The following MEGF10 variants were observed in gnomAD, a reference collection of about 807,000 sequenced individuals.
MEGF10 encodes multiple EGF like domains 10, also known as multiple epidermal growth factor-like domains protein 10.
Under a neutral mutation model 147.5 loss-of-function variants are expected in MEGF10, and 86 were observed. The ratio of observed to expected loss-of-function variants is 0.58; its 90% CI spans 0.49 to 0.70. The LOEUF is 0.70. MEGF10 is among the 30% of genes least tolerant of loss of function. MEGF10 has a pLI of 0.00. For synonymous variants in MEGF10, 478 were observed against 525.5 expected, an observed-to-expected ratio of 0.91 and a Z score of 1.24; for missense variants, 1,329 against 1,487.3, an observed-to-expected ratio of 0.89 and a Z score of 1.75.
chr5:127,453,347 G>A (rs1580890686), intron 22 of MEGF10, among the ~76,000 whole-genome samples: 1 of 152,232 alleles, frequency 6.6e-6, no homozygotes, highest in Non-Finnish European at 1.5e-5. Context: ...ATGAGCCACC[G>A]CACCCGGCCT....
chr5:127,273,466 G>A, the MEGF10 span, among the ~76,000 whole-genome samples: 80 of 152,344 alleles, frequency 5.3e-4, 1 homozygote, highest in African/African-American at 1.9e-3. Flanking sequence ...TGCTCTGTGA[G>A]TGCCATGCAC....
chr5:127,310,400 A>T (rs570471575), intron 1 of MEGF10, among the ~76,000 whole-genome samples: 17 of 152,060 alleles, frequency 1.1e-4, no homozygotes, highest in African/African-American at 3.9e-4. Context: ...TGTTGCAAAA[A>T]TTTTTAAATT....
At chr5:127,353,466 T>C (rs1482904845) in intron 4 of MEGF10, among the ~76,000 whole-genome samples, 3 of 152,216 alleles carry the variant, frequency 2.0e-5, no homozygotes, top group Admixed American at 1.3e-4. Flanking sequence ...AGCTACCCTC[T>C]GTGGGAAGGA....
intron 22 of MEGF10, among the ~76,000 whole-genome samples, chr5:127,452,077 C>T (rs1309621660): frequency 6.6e-6 from 1 of 152,188 alleles, no homozygotes; most frequent in African/African-American, 2.4e-5. Flanking sequence ...GAAAGCCCTG[C>T]TCCAGGGATG....
intron 1 of MEGF10, among the ~76,000 whole-genome samples, chr5:127,330,276 G>C (rs1321433778): frequency 1.3e-5 from 2 of 152,146 alleles, no homozygotes; most frequent in South Asian, 2.1e-4. Context: ...CTTGCAGCTA[G>C]AGTCATTCTT....
chr5:127,404,305 T>C (rs1764244080), intron 8 of MEGF10, among the ~76,000 whole-genome samples: 1 of 152,040 alleles, frequency 6.6e-6, no homozygotes, highest in Non-Finnish European at 1.5e-5. Context: ...CTATTTTTGA[T>C]TGGAATATTA....
rs2126967893 is a variant in MEGF10, at chr5:127,417,773, C to T, written c.1266C>T (p.Asp422=). 6.2e-7 allele frequency: 1 copy of T among 1,614,062 alleles called. No homozygotes were observed. Among genetic ancestry groups the T allele is most frequent in the Non-Finnish European group, 8.5e-7 (1 of 1,180,012 alleles). The part of the protein sequence containing the change: ...ICSCQNGADC[D]SVTGKCTCAP... ...GCTGCCAAAATGGGGCAGACTGTGACAGTGTGACTGGAAAGTGCACCTGTG... is the reference window on the plus strand; with the variant it reads ...GCTGCCAAAATGGGGCAGACTGTGATAGTGTGACTGGAAAGTGCACCTGTG... The change falls in exon 10 of 25, where the codon GAC becomes GAT. Residue 422 remains aspartate, a synonymous_variant. Coordinates refer to ENST00000503335, the MANE Select transcript of MEGF10 (RefSeq NM_001256545.2).
At chr5:127,310,575 G>A (rs908679368) in intron 1 of MEGF10, among the ~76,000 whole-genome samples, 9 of 151,938 alleles carry the variant, frequency 5.9e-5, no homozygotes, top group African/African-American at 1.9e-4. Flanking sequence ...AAGGGATTTT[G>A]CTCTGAGATG....
intron 1 of MEGF10, among the ~76,000 whole-genome samples, 153 bp downstream of exon 1, chr5:127,291,209 G>A (rs772143228): frequency 6.6e-6 from 1 of 152,156 alleles, no homozygotes; most frequent in South Asian, 2.1e-4. Context: ...TTGTTCATGC[G>A]CTTCTTAAGG....
chr5:127,363,137 G>C (rs1036690301), intron 4 of MEGF10, among the ~76,000 whole-genome samples: 1 of 152,132 alleles, frequency 6.6e-6, no homozygotes, highest in East Asian at 1.9e-4. Flanking sequence ...CAGAAGTTCT[G>C]AGTTCTTGTA....
chr5:127,270,364 C>T, the MEGF10 span, among the ~76,000 whole-genome samples: 1 of 152,012 alleles, frequency 6.6e-6, no homozygotes, highest in African/African-American at 2.4e-5. Context: ...CACACATAGG[C>T]TCAAAATAAA....
At position 127,426,200 on chromosome 5, in the gene MEGF10, A is replaced by C. The variant is rs149085983; in HGVS notation, c.1693+3428A>C. On this transcript the variant is annotated intron_variant, in intron 13 of 24. Transcript: ENST00000503335. ...GCTGTCTTACTGTGTACCCACATCCACCATTTCTTATAACTTCAACCCACT... is the reference window on the plus strand; with the variant it reads ...GCTGTCTTACTGTGTACCCACATCCCCCATTTCTTATAACTTCAACCCACT... 2.9e-3 allele frequency among the ~76,000 whole-genome samples: 436 copies of C among 152,256 alleles called. 4 individuals are homozygous for C. The highest frequency in any genetic ancestry group is 1.0e-2 in the African/African-American group (415 of 41,542).
At chr5:127,439,228 T>C (rs1040780503) in intron 17 of MEGF10, among the ~76,000 whole-genome samples, 4 of 152,206 alleles carry the variant, frequency 2.6e-5, no homozygotes, top group Admixed American at 6.5e-5. Context: ...GGATATAGTG[T>C]GCAAAGTACT....
At chr5:127,292,543 T>C (rs1214860578) in intron 1 of MEGF10, among the ~76,000 whole-genome samples, 1 of 152,234 alleles carries the variant, frequency 6.6e-6, no homozygotes, top group Non-Finnish European at 1.5e-5. Flanking sequence ...ATCTGTAAGC[T>C]TCACTACCAC....
In MEGF10 at chr5:127,358,460, C is replaced by G. The variant is rs138592679; in HGVS notation, c.320-11450C>G. Among the ~76,000 whole-genome samples, 364 of 152,228 alleles carry G rather than the reference C, an allele frequency of 2.4e-3. 1 individual carries two copies. The highest frequency in any genetic ancestry group is 8.2e-3 in the African/African-American group (340 of 41,526). On this transcript the variant is annotated intron_variant, in intron 4 of 24. Coordinates refer to ENST00000503335, the MANE Select transcript of MEGF10 (RefSeq NM_001256545.2). ...GAAATAGGGCAGACCAGGGGAAATG[C>G]CATGTGGTGGAAAACATGCTGTGGG...
At chr5:127,297,662 C>T (rs769139862) in intron 1 of MEGF10, among the ~76,000 whole-genome samples, 9 of 152,144 alleles carry the variant, frequency 5.9e-5, no homozygotes, top group Non-Finnish European at 7.4e-5. Context: ...TAAACCATTC[C>T]ATAGTAGTGG....
chr5:127,260,286 C>A, the MEGF10 span, among the ~76,000 whole-genome samples: 5 of 152,288 alleles, frequency 3.3e-5, no homozygotes, highest in South Asian at 1.0e-3. Context: ...CACCCAGGTT[C>A]TCTGTGTTTC....
chr5:127,335,119 A>G (rs1761411452), intron 2 of MEGF10, among the ~76,000 whole-genome samples: 1 of 152,192 alleles, frequency 6.6e-6, no homozygotes, highest in African/African-American at 2.4e-5. Flanking sequence ...GGAAATAAAG[A>G]GTTTTGCCTC....
At chr5:127,411,042 G>A (rs1472331495) in intron 9 of MEGF10, among the ~76,000 whole-genome samples, 1 of 152,128 alleles carries the variant, frequency 6.6e-6, no homozygotes. Flanking sequence ...AAAAAAAAAG[G>A]CTAGAGAGAG....
Sources: gnomAD v4.1 joint callset for allele counts (sites outside exome capture counted in the v4.1 genomes callset) on GRCh38, gnomAD v4.1.1 for gene constraint, MANE v1.5 for transcripts, NCBI Gene and HGNC (gene_info 2026-07-23, HGNC 2026-07-21) for gene names.